The following FAM107B variants were observed in gnomAD, a reference collection of about 807,000 sequenced individuals.
The protein encoded by FAM107B is protein FAM107B.
FAM107B carries 21 observed loss-of-function variants against 31.5 expected under a neutral mutation model. That is an observed-to-expected ratio of 0.67 (90% CI 0.47 to 0.96). The LOEUF (loss-of-function observed/expected upper bound fraction) is 0.96, where lower values mean the gene tolerates loss of function less well. Among genes scored for constraint, FAM107B ranks in the 40% least tolerant of loss-of-function variants. FAM107B has a pLI of 0.00. For synonymous variants in FAM107B, 157 were observed against 141.5 expected (o/e 1.11, Z -0.78); for missense variants, 452 against 377.1 (o/e 1.20, Z -1.64).
chr10:14,553,034 T>C (rs1849398955), intron 2 of FAM107B, among the ~76,000 whole-genome samples: 1 of 152,224 alleles, frequency 6.6e-6, no homozygotes, highest in Non-Finnish European at 1.5e-5. Flanking sequence ...GCTTGCTCTA[T>C]ACCACCTGTC....
At chr10:14,658,473 T>G (rs1194066660) in intron 2 of FAM107B, among the ~76,000 whole-genome samples, 2 of 152,248 alleles carry the variant, frequency 1.3e-5, no homozygotes, top group African/African-American at 4.8e-5. Context: ...ATGTGTTAAG[T>G]ACCCAAATAA....
At chr10:14,772,553 G>A (rs1833330402) in intron 1 of FAM107B, among the ~76,000 whole-genome samples, 1 of 152,022 alleles carries the variant, frequency 6.6e-6, no homozygotes, top group South Asian at 2.1e-4. Context: ...TGATTTCAGT[G>A]TTTGCATTGC....
chr10:14,666,936 G>A (rs1854417541), intron 2 of FAM107B, among the ~76,000 whole-genome samples: 1 of 152,108 alleles, frequency 6.6e-6, no homozygotes, highest in Non-Finnish European at 1.5e-5. Context: ...ACAAGAACAT[G>A]AGCCTTTGCC....
chr10:14,695,877 G>T (rs1003943028), intron 1 of FAM107B, among the ~76,000 whole-genome samples: 1 of 152,160 alleles, frequency 6.6e-6, no homozygotes, highest in Non-Finnish European at 1.5e-5. Flanking sequence ...GTTTGTTTGT[G>T]TGTGGAATCT....
At position 14,618,525 on chromosome 10, in the gene FAM107B, T is replaced by A. The variant is rs575030478; in HGVS notation, c.469+49109A>T. The stretch of plus-strand genomic sequence containing the variant: ...TGAGGCCTAATCTCCAGTCTTCGAA[T>A]GTGACCTTATTTGGAAATAAGTCAT... On this transcript the variant is annotated intron_variant, in intron 2 of 4. Coordinates refer to ENST00000181796, the MANE Select transcript of FAM107B (RefSeq NM_031453.4). 3.3e-5 allele frequency among the ~76,000 whole-genome samples: 5 copies of A among 152,302 alleles called. No homozygotes were observed. The South Asian group carries it at 1.0e-3, about 32-fold the overall frequency.
At chr10:14,762,404 G>T (rs1833067798) in intron 1 of FAM107B, among the ~76,000 whole-genome samples, 1 of 152,148 alleles carries the variant, frequency 6.6e-6, no homozygotes, top group Admixed American at 6.5e-5. Flanking sequence ...AAACCAGAGG[G>T]TTTGCGAATT....
rs539580521 is a variant in FAM107B, at chr10:14,767,726, G to A, written c.411+6527C>T. On this transcript the variant is annotated intron_variant, in intron 1 of 4. Coordinates refer to ENST00000181796, the MANE Select transcript of FAM107B (RefSeq NM_031453.4). ...CACCACTAGCCTCACATTTAATGGTGAAAGACTGAAAGCTTTTACTCTGAA... is the reference window on the plus strand; with the variant it reads ...CACCACTAGCCTCACATTTAATGGTAAAAGACTGAAAGCTTTTACTCTGAA... 1.2e-4 allele frequency among the ~76,000 whole-genome samples: 18 copies of A among 152,306 alleles called. No homozygotes were observed. The East Asian group carries it at 3.5e-3, about 29-fold the overall frequency.
At chr10:14,734,806 G>A (rs1008166531) in intron 1 of FAM107B, among the ~76,000 whole-genome samples, 8 of 152,052 alleles carry the variant, frequency 5.3e-5, no homozygotes, top group Non-Finnish European at 8.8e-5. Flanking sequence ...GTGCAGTGGC[G>A]CGATCTTGGC....
At chr10:14,637,106 T>C (rs1853518882) in intron 2 of FAM107B, among the ~76,000 whole-genome samples, 2 of 152,176 alleles carry the variant, frequency 1.3e-5, no homozygotes, top group African/African-American at 2.4e-5. Context: ...TCAGGGCTCA[T>C]GCAGAGACAA....
intron 2 of FAM107B, among the ~76,000 whole-genome samples, chr10:14,552,204 G>A (rs1412624875): frequency 6.6e-6 from 1 of 152,172 alleles, no homozygotes; most frequent in Non-Finnish European, 1.5e-5. Context: ...GAAGATCTTG[G>A]TGGGAACCAC....
intron 2 of FAM107B, among the ~76,000 whole-genome samples, chr10:14,632,514 G>A (rs1309267343): frequency 1.3e-5 from 2 of 151,052 alleles, no homozygotes; most frequent in African/African-American, 2.4e-5. Context: ...GGGAGGCTGA[G>A]GCAGGAGAAT....
intron 1 of FAM107B, among the ~76,000 whole-genome samples, chr10:14,682,593 G>A (rs1215239692): frequency 6.6e-6 from 1 of 152,120 alleles, no homozygotes; most frequent in Non-Finnish European, 1.5e-5. Context: ...CCTTTGCAGG[G>A]ATATGGATGA....
chr10:14,551,681 A>G (rs1849280350), intron 2 of FAM107B, among the ~76,000 whole-genome samples: 1 of 121,666 alleles, frequency 8.2e-6, no homozygotes, highest in South Asian at 3.2e-4. Flanking sequence ...TACAAAATGT[A>G]TTAGCTCTGG....
intron 1 of FAM107B, among the ~76,000 whole-genome samples, chr10:14,769,414 T>G (rs527614514): frequency 1.3e-5 from 2 of 152,296 alleles, no homozygotes; most frequent in Non-Finnish European, 2.9e-5. Flanking sequence ...AGACGGAGTC[T>G]CATTCTGTCA....
chr10:14,708,134 G>A (rs1038095070), intron 1 of FAM107B, among the ~76,000 whole-genome samples: 1 of 151,820 alleles, frequency 6.6e-6, no homozygotes, highest in Non-Finnish European at 1.5e-5. Context: ...CTATAGTGAA[G>A]TGGCACAATC....
chr10:14,522,823 G>A (rs1443919283), intron 3 of FAM107B, among the ~76,000 whole-genome samples: 2 of 152,248 alleles, frequency 1.3e-5, no homozygotes, highest in Admixed American at 6.5e-5. Context: ...GGGGGTTCCT[G>A]TACATCTAAA....
intron 1 of FAM107B, among the ~76,000 whole-genome samples, chr10:14,708,398 AC>A (rs1278640988): frequency 6.6e-6 from 1 of 152,010 alleles, no homozygotes; most frequent in East Asian, 1.9e-4. Context: ...GGAGGACTGA[AC>A]CCCAGATCAC....
At chr10:14,718,338 A>AAAGGAAGG (rs747098734) in intron 1 of FAM107B, among the ~76,000 whole-genome samples, 64 of 151,364 alleles carry the variant, frequency 4.2e-4, no homozygotes, top group African/African-American at 1.5e-3. Flanking sequence ...GAGACTCAAG[A>AAAGGAAGG]AAGGAAGGAA....
intron 2 of FAM107B, among the ~76,000 whole-genome samples, chr10:14,661,244 C>T (rs756940735): frequency 6.6e-6 from 1 of 152,170 alleles, no homozygotes; most frequent in Non-Finnish European, 1.5e-5. Context: ...GACTAATTTA[C>T]CAGAAAAGTG....
Sources: allele counts gnomAD v4.1 joint callset (sites outside exome capture counted in the v4.1 genomes callset), GRCh38; gene constraint gnomAD v4.1.1; transcripts MANE v1.5; gene names NCBI Gene and HGNC (gene_info 2026-07-23, HGNC 2026-07-21).